Variants in SLC4A7 observed in about 807,000 individuals in gnomAD.
SLC4A7 encodes solute carrier family 4 member 7.
Under a neutral mutation model 137.6 loss-of-function variants are expected in SLC4A7, and 51 were observed. The ratio of observed to expected loss-of-function variants is 0.37; its 90% CI spans 0.30 to 0.47. The LOEUF is 0.47. Ranked by LOEUF, SLC4A7 falls within the 20% of genes least tolerant of loss-of-function variation. The pLI, the probability that SLC4A7 is intolerant of heterozygous loss-of-function variation, is 1.00. For synonymous variants in SLC4A7, 542 were observed against 518.6 expected (o/e 1.05, Z -0.61); for missense variants, 1,247 against 1,525.4 (o/e 0.82, Z 3.04).
chr3:27,465,474 T>TAAAAAAAA (rs10564000), intron 1 of SLC4A7, among the ~76,000 whole-genome samples: 2 of 125,460 alleles, frequency 1.6e-5, no homozygotes, highest in Non-Finnish European at 3.3e-5. Flanking sequence ...GTAGGCACAG[T>TAAAAAAAA]AAAAAAAAAA....
At chr3:27,471,434 CA>C (rs1373863755) in intron 1 of SLC4A7, among the ~76,000 whole-genome samples, 1 of 152,150 alleles carries the variant, frequency 6.6e-6, no homozygotes, top group African/African-American at 2.4e-5. Flanking sequence ...CGGAGTTTCA[CA>C]TTCTTGTTGC....
intron 3 of SLC4A7, among the ~76,000 whole-genome samples, chr3:27,445,873 A>C (rs2057555464): frequency 7.7e-6 from 1 of 130,202 alleles, no homozygotes; most frequent in Admixed American, 8.8e-5. Flanking sequence ...CAGAGGTTGC[A>C]GTGAGCTGAG....
At chr3:27,437,883 A>G (rs183077018) in intron 3 of SLC4A7, among the ~76,000 whole-genome samples, 36 of 152,352 alleles carry the variant, frequency 2.4e-4, no homozygotes, top group Admixed American at 1.6e-3. Context: ...CTACATGGAA[A>G]AGTTAGAACA....
intron 11 of SLC4A7, 112 bp from the exon 12 acceptor site, chr3:27,411,860 TCTC>T: frequency 2.3e-6 from 1 of 435,626 alleles, no homozygotes; most frequent in East Asian, 3.7e-5. Flanking sequence ...TCTAATCAGT[TCTC>T]CTAGAAAAGA....
intron 1 of SLC4A7, among the ~76,000 whole-genome samples, chr3:27,468,743 A>C (rs2059113607): frequency 6.6e-6 from 1 of 152,184 alleles, no homozygotes; most frequent in Non-Finnish European, 1.5e-5. Flanking sequence ...ATAGGCTAAA[A>C]AAAATTAAAC....
chr3:27,435,463 T>A (rs2056659699), intron 5 of SLC4A7, among the ~76,000 whole-genome samples: 1 of 152,160 alleles, frequency 6.6e-6, no homozygotes, highest in Admixed American at 6.5e-5. Flanking sequence ...GTTGCCAGAA[T>A]GATCTTCCTG....
chr3:27,386,195 T>C (rs1207162688), intron 22 of SLC4A7, among the ~76,000 whole-genome samples, 172 bp from the exon 23 acceptor site: 3 of 107,090 alleles, frequency 2.8e-5, no homozygotes, highest in African/African-American at 9.1e-5. Context: ...TTTTTTTACT[T>C]TGTGCTAAAA....
At chr3:27,431,217 A>G in intron 7 of SLC4A7, 81 bp downstream of exon 7, 1 of 1,399,516 alleles carries the variant, frequency 7.1e-7, no homozygotes, top group Non-Finnish European at 9.6e-7. Flanking sequence ...TATGCTGCTT[A>G]AGCTATGTGC....
chr3:27,385,812 G>A (rs2050882298), intron 23 of SLC4A7, 80 bp downstream of exon 23: 1 of 933,926 alleles, frequency 1.1e-6, no homozygotes, highest in Admixed American at 3.1e-5. Flanking sequence ...TTCATGTAAA[G>A]TGATTATAAT....
chr3:27,478,205 A>G (rs926811260), intron 1 of SLC4A7, among the ~76,000 whole-genome samples: 56 of 102,770 alleles, frequency 5.4e-4, no homozygotes, highest in African/African-American at 1.1e-3. Context: ...AAATGAGGAA[A>G]AAAAAAAAGG....
In SLC4A7 at chr3:27,418,583, G is replaced by T; in HGVS notation, c.1562C>A (p.Ser521Tyr). The stretch of plus-strand genomic sequence containing the variant: ...TTGATCTAAAAATTCATCAATTCCA[G>T]ATAAGAGGTCATTTCTGTCTTTTGC... ...YKAKDRNDLL[S>Y]GIDEFLDQVT... The change falls in exon 11 of 26, where the codon TCT (serine) becomes TAT (tyrosine). Residue 521 changes from serine (S) to tyrosine (Y), a missense_variant. By Grantham distance (144) the Ser-to-Tyr change is moderately radical (BLOSUM62 -2). Coordinates refer to ENST00000454389, the MANE Select transcript of SLC4A7 (RefSeq NM_001321103.2). The T allele has an allele frequency of 6.3e-7, 1 of 1,599,944 alleles. No homozygotes were observed. Among genetic ancestry groups the T allele is most frequent in the Non-Finnish European group, 8.6e-7 (1 of 1,167,492 alleles).
At position 27,377,243 on chromosome 3, in the gene SLC4A7, CAAG is replaced by C. The variant is rs537839508; in HGVS notation, c.3699-401_3699-399del. 2.3e-3 allele frequency among the ~76,000 whole-genome samples: 352 copies of C among 151,932 alleles called. 1 individual carries two copies. The highest frequency in any genetic ancestry group is 0.01 in the Middle Eastern group (3 of 292). On this transcript the variant is annotated intron_variant, in intron 25 of 25. Transcript: ENST00000454389. ...ATATAGATAGGTATCAAATAATTTC[CAAG>C]AAGGTTATAAATTTATAAAACTTCT... is the stretch of plus-strand genomic sequence containing the variant.
chr3:27,397,140 T>A (rs1466386354), intron 18 of SLC4A7, among the ~76,000 whole-genome samples: 4 of 152,190 alleles, frequency 2.6e-5, no homozygotes, highest in African/African-American at 9.6e-5. Flanking sequence ...GCGATTCTCC[T>A]GCCTCAGCCT....
Position 27,431,435 on chromosome 3 carries a change from C to A in SLC4A7, c.1013G>T (p.Arg338Leu). 6.2e-7 allele frequency: 1 copy of A among 1,614,056 alleles called. No individual in the cohort carries two copies. Among genetic ancestry groups the A allele is most frequent in the Non-Finnish European group, 8.5e-7 (1 of 1,179,954 alleles). ...TGAAACCAGTAGTTCTGGGGCCTGACGCTGACTCTCTTGGGAACTTCTGGA... is the reference window on the plus strand; with the variant it reads ...TGAAACCAGTAGTTCTGGGGCCTGAAGCTGACTCTCTTGGGAACTTCTGGA... ...LTSRSSQESQ[R>L]QAPELLVSPA... Residue 338 changes from arginine to leucine, a missense_variant, in exon 7 of 26, where the codon CGT (arginine) becomes CTT (leucine). This residue lies in a region of SLC4A7 where 223 missense variants were observed against 203.6 expected (regional missense o/e 1.10). Coordinates refer to ENST00000454389, the MANE Select transcript of SLC4A7 (RefSeq NM_001321103.2).
At position 27,431,386 on chromosome 3, in the gene SLC4A7, T is replaced by C. The variant is rs763728664; in HGVS notation, c.1062A>G (p.Thr354=). The change falls in exon 7 of 26, where the codon ACA becomes ACG. Residue 354 remains threonine (T), a synonymous_variant. Coordinates refer to ENST00000454389, the MANE Select transcript of SLC4A7 (RefSeq NM_001321103.2). ...LVSPASDDIP[T]VVIHPPEEDL... is the part of the protein sequence containing the mutation. The stretch of plus-strand genomic sequence containing the variant: ...CTTCCTCAGGCGGATGAATTACTAC[T>C]GTGGGAATATCATCACTGGCAGGTG... 1.2e-6 allele frequency: 2 copies of C among 1,614,062 alleles called. No homozygotes were observed. The highest frequency in any genetic ancestry group is 1.7e-6 in the Non-Finnish European group (2 of 1,179,934).
intron 1 of SLC4A7, among the ~76,000 whole-genome samples, chr3:27,465,289 C>CAAA (rs11329798): frequency 2.4e-5 from 2 of 84,700 alleles, no homozygotes; most frequent in Non-Finnish European, 4.7e-5. Context: ...GACTCCGTCT[C>CAAA]AAAAAAAAAA....
chr3:27,452,679 A>T (rs1469543533), intron 1 of SLC4A7, among the ~76,000 whole-genome samples, 181 bp from the exon 2 acceptor site: 1 of 152,194 alleles, frequency 6.6e-6, no homozygotes, highest in Non-Finnish European at 1.5e-5. Flanking sequence ...TCCACAGAAG[A>T]CCATTCAAAA....
chr3:27,394,047 C>T (rs769422496), intron 20 of SLC4A7, among the ~76,000 whole-genome samples: 21 of 152,050 alleles, frequency 1.4e-4, no homozygotes, highest in Non-Finnish European at 2.6e-4. Context: ...GAGACAGGAT[C>T]TCACTTTGTC....
intron 10 of SLC4A7, 30 bp downstream of exon 10, chr3:27,420,670 C>T: frequency 7.2e-7 from 1 of 1,396,768 alleles, no homozygotes; most frequent in Non-Finnish European, 1.0e-6. Flanking sequence ...TTAGTGTCTA[C>T]TTCAAAGAGA....
Sources: gnomAD v4.1 joint callset for allele counts (sites outside exome capture counted in the v4.1 genomes callset) on GRCh38, gnomAD v4.1.1 for gene constraint, gnomAD v4.1.1 regional missense constraint, MANE v1.5 for transcripts, NCBI Gene and HGNC (gene_info 2026-07-23, HGNC 2026-07-21) for gene names.